Variants in CREB5 observed in about 807,000 individuals in gnomAD.
CREB5 encodes the protein cAMP responsive element binding protein 5, also known as cyclic AMP-responsive element-binding protein 5.
A neutral mutation model predicts 57.1 loss-of-function variants in CREB5; 19 were observed. The ratio of observed to expected loss-of-function variants is 0.33; its 90% CI spans 0.23 to 0.49. The LOEUF (loss-of-function observed/expected upper bound fraction) is 0.49, where lower values mean the gene tolerates loss of function less well. CREB5 is among the 20% of genes least tolerant of loss of function. CREB5 has a pLI of 0.99. For synonymous variants in CREB5, 238 were observed against 238.3 expected (o/e 1.00, Z 0.01); for missense variants, 579 against 671.6 (o/e 0.86, Z 1.52).
At chr7:28,560,603 G>A (rs922291101) in intron 4 of CREB5, among the ~76,000 whole-genome samples, 4 of 152,082 alleles carry the variant, frequency 2.6e-5, no homozygotes, top group African/African-American at 4.8e-5. Context: ...GACCTCTAAA[G>A]CTAGTGGGAT....
intron 3 of CREB5, among the ~76,000 whole-genome samples, chr7:28,505,110 A>G (rs1273009297): frequency 1.3e-5 from 2 of 152,218 alleles, no homozygotes; most frequent in African/African-American, 4.8e-5. Flanking sequence ...ACCAGGAAAA[A>G]TAATTTTTAC....
intron 7 of CREB5, among the ~76,000 whole-genome samples, chr7:28,750,458 A>G (rs1419502299): frequency 6.6e-6 from 1 of 152,236 alleles, no homozygotes; most frequent in Non-Finnish European, 1.5e-5. Context: ...ACTTAACATT[A>G]TAAATTTCTG....
At chr7:28,364,356 G>T (rs140268796) in intron 1 of CREB5, among the ~76,000 whole-genome samples, 52 of 152,338 alleles carry the variant, frequency 3.4e-4, no homozygotes, top group African/African-American at 1.2e-3. Context: ...TGAAGAGACA[G>T]TTCTTAAGTA....
At chr7:28,490,635 T>C (rs990938498) in intron 2 of CREB5, among the ~76,000 whole-genome samples, 1 of 152,250 alleles carries the variant, frequency 6.6e-6, no homozygotes, top group African/African-American at 2.4e-5. Context: ...GTAGCTGTCC[T>C]GTGTGTTGTA....
chr7:28,488,059 T>G, intron 1 of CREB5, 116 bp from the exon 2 acceptor site: 1 of 812,028 alleles, frequency 1.2e-6, no homozygotes, highest in South Asian at 1.6e-5. Flanking sequence ...CATCTAATTT[T>G]GGTATTGGCA....
intron 7 of CREB5, among the ~76,000 whole-genome samples, chr7:28,787,726 T>A (rs1807417180): frequency 6.6e-6 from 1 of 152,174 alleles, no homozygotes; most frequent in Non-Finnish European, 1.5e-5. Flanking sequence ...GGCTAATGTC[T>A]GTATTTTTTA....
At chr7:28,498,322 A>G (rs578131056) in intron 3 of CREB5, among the ~76,000 whole-genome samples, 2 of 152,344 alleles carry the variant, frequency 1.3e-5, no homozygotes, top group South Asian at 4.1e-4. Flanking sequence ...ATTTTATTTC[A>G]GATGAGTTGA....
intron 5 of CREB5, among the ~76,000 whole-genome samples, chr7:28,585,721 T>A (rs60855128): frequency 6.6e-6 from 1 of 151,836 alleles, no homozygotes; most frequent in Non-Finnish European, 1.5e-5. Context: ...CCACCAGAAT[T>A]GTTCTGGGGC....
intron 1 of CREB5, among the ~76,000 whole-genome samples, chr7:28,456,509 G>A (rs1790099183): frequency 6.6e-6 from 1 of 152,154 alleles, no homozygotes; most frequent in Admixed American, 6.5e-5. Flanking sequence ...GTCTTTGGCT[G>A]GGGTGGGGGG....
At chr7:28,751,487 T>C (rs1415118736) in intron 7 of CREB5, among the ~76,000 whole-genome samples, 1 of 152,224 alleles carries the variant, frequency 6.6e-6, no homozygotes, top group Non-Finnish European at 1.5e-5. Context: ...TTGAGTTGCT[T>C]GTGGTTTGCA....
At chr7:28,547,866 C>A (rs539886295) in intron 4 of CREB5, among the ~76,000 whole-genome samples, 2 of 152,178 alleles carry the variant, frequency 1.3e-5, no homozygotes, top group African/African-American at 4.8e-5. Context: ...TATGGGGTTC[C>A]TGGAATGCCT....
intron 4 of CREB5, among the ~76,000 whole-genome samples, chr7:28,566,536 A>G (rs1307415039): frequency 6.6e-6 from 1 of 152,224 alleles, no homozygotes; most frequent in African/African-American, 2.4e-5. Flanking sequence ...TGTTTTTGAA[A>G]TTGGAGACTT....
At chr7:28,560,829 CGCGCGTGTGTGTGT>C (rs773206501) in intron 4 of CREB5, among the ~76,000 whole-genome samples, 1,436 of 65,256 alleles carry the variant, frequency 0.022, 448 homozygotes, top group Non-Finnish European at 0.032. Flanking sequence ...TGTGCGCGCG[CGCGCGTGTGTGTGT>C]GCGCGTGTGT....
chr7:28,341,843 C>G (rs2127988939), intron 1 of CREB5, among the ~76,000 whole-genome samples: 1 of 152,286 alleles, frequency 6.6e-6, no homozygotes, highest in Admixed American at 6.5e-5. Context: ...CCCAAGTTCA[C>G]TAGAATATAT....
chr7:28,303,142 CA>C (rs36054051), intron 1 of CREB5, among the ~76,000 whole-genome samples: 148 of 129,856 alleles, frequency 1.1e-3, no homozygotes, highest in African/African-American at 2.7e-3. Context: ...AACTCCATCT[CA>C]AAAAAAAAAA....
intron 1 of CREB5, among the ~76,000 whole-genome samples, chr7:28,346,415 T>C (rs1371054121): frequency 6.6e-6 from 1 of 152,162 alleles, no homozygotes. Context: ...ATGGCATTAA[T>C]CCCATTCACG....
At chr7:28,459,178 G>A (rs527403886) in intron 1 of CREB5, among the ~76,000 whole-genome samples, 1 of 152,256 alleles carries the variant, frequency 6.6e-6, no homozygotes, top group East Asian at 1.9e-4. Flanking sequence ...GGTTTGTGGT[G>A]GTCACGCTCC....
At chr7:28,428,370 T>C (rs1405949267) in intron 1 of CREB5, among the ~76,000 whole-genome samples, 1 of 152,104 alleles carries the variant, frequency 6.6e-6, no homozygotes, top group East Asian at 1.9e-4. Context: ...CCCTCCATTG[T>C]GGTTGGAGGA....
intron 5 of CREB5, among the ~76,000 whole-genome samples, chr7:28,707,569 T>G (rs1281720850): frequency 6.6e-6 from 1 of 152,208 alleles, no homozygotes; most frequent in Non-Finnish European, 1.5e-5. Flanking sequence ...ATGTCTGGAA[T>G]AAGTGACAAT....
Sources: allele counts gnomAD v4.1 joint callset (sites outside exome capture counted in the v4.1 genomes callset), GRCh38; gene constraint gnomAD v4.1.1; transcripts MANE v1.5; gene names NCBI Gene and HGNC (gene_info 2026-07-23, HGNC 2026-07-21).